Variants in ACAD11 observed in about 807,000 individuals in gnomAD.
ACAD11 encodes acyl-Coenzyme A dehydrogenase family, member 11.
Under a neutral mutation model 102.2 loss-of-function variants are expected in ACAD11, and 83 were observed. The ratio of observed to expected loss-of-function variants is 0.81; its 90% confidence interval spans 0.68 to 0.97. The LOEUF is 0.97. Among genes scored for constraint, ACAD11 ranks in the 50% least tolerant of loss-of-function variants. The pLI is 0.00. For missense variants in ACAD11, 901 were observed against 951.7 expected, an observed-to-expected ratio of 0.95 and a Z score of 0.70; for synonymous variants, 324 against 319.8, an observed-to-expected ratio of 1.01 and a Z score of -0.14.
At chr3:132,600,093 C>T (rs996640286) in intron 13 of ACAD11, among the ~76,000 whole-genome samples, 3 of 152,018 alleles carry the variant, frequency 2.0e-5, no homozygotes, top group Admixed American at 1.3e-4. Context: ...TAAAAGTCTT[C>T]ACTTTTATTT....
rs559297921 is a variant in ACAD11, at chr3:132,632,106, C to T, written c.703-627G>A. On this transcript the variant is annotated intron_variant, in intron 5 of 19. Coordinates refer to ENST00000264990, the MANE Select transcript of ACAD11 (RefSeq NM_032169.5). ...TATGTATTTTTTTTTTTTTTTGAGACGGAGTCTCGCTCTGTCTCCCAGGCT... is the reference window on the plus strand; with the variant it reads ...TATGTATTTTTTTTTTTTTTTGAGATGGAGTCTCGCTCTGTCTCCCAGGCT... 4.7e-4 allele frequency among the ~76,000 whole-genome samples: 69 copies of T among 147,758 alleles called. No individual in the cohort carries two copies. The East Asian group carries it at 7.4e-3, about 16-fold the overall frequency.
At chr3:132,610,245 A>G (rs1351785510) in intron 11 of ACAD11, among the ~76,000 whole-genome samples, 2 of 152,016 alleles carry the variant, frequency 1.3e-5, no homozygotes, top group Admixed American at 1.3e-4. Context: ...AGGGAAATTT[A>G]TAGCACTAAA....
chr3:132,583,045 C>T (rs913819627), intron 13 of ACAD11, among the ~76,000 whole-genome samples: 5 of 152,248 alleles, frequency 3.3e-5, no homozygotes, highest in South Asian at 2.1e-4. Context: ...GCTTTGGTAT[C>T]AGGATGATGC....
intron 18 of ACAD11, among the ~76,000 whole-genome samples, chr3:132,560,760 T>C (rs1937031797): frequency 6.6e-6 from 1 of 152,094 alleles, no homozygotes; most frequent in Non-Finnish European, 1.5e-5. Context: ...ACCCTAGGCC[T>C]TAGGCAGAAA....
At chr3:132,580,812 C>A (rs1937586791) in intron 13 of ACAD11, among the ~76,000 whole-genome samples, 1 of 151,904 alleles carries the variant, frequency 6.6e-6, no homozygotes, top group Admixed American at 6.6e-5. Flanking sequence ...CCTTTCTTTT[C>A]TCTTAAGTGT....
intron 11 of ACAD11, among the ~76,000 whole-genome samples, chr3:132,615,737 A>T (rs546630397): frequency 6.6e-6 from 1 of 152,188 alleles, no homozygotes; most frequent in African/African-American, 2.4e-5. Flanking sequence ...ATGACAGCAA[A>T]CCACCATGGC....
At chr3:132,604,207 A>G (rs1938743595) in intron 12 of ACAD11, among the ~76,000 whole-genome samples, 1 of 152,232 alleles carries the variant, frequency 6.6e-6, no homozygotes, top group South Asian at 2.1e-4. Context: ...GAAAAATTCC[A>G]GAAGTAAACA....
chr3:132,641,441 G>C lies in ACAD11; in HGVS notation c.537+531C>G, dbSNP rs1940493086. Among the ~76,000 whole-genome samples the C allele has an allele frequency of 2.0e-5, 3 of 152,098 alleles. 1 individual carries two copies. The South Asian group carries it at 6.2e-4, about 32-fold the overall frequency. On this transcript the variant is annotated intron_variant, in intron 4 of 19. Transcript: ENST00000264990. ...AGCCTGTAGTCCCAGCTGCTCGGGA[G>C]GCTGAGGTAGGAGAATGGCGTGAAC...
At chr3:132,634,911 G>T (rs914986637) in intron 5 of ACAD11, among the ~76,000 whole-genome samples, 1 of 145,048 alleles carries the variant, frequency 6.9e-6, no homozygotes, top group Admixed American at 6.8e-5. Context: ...GTTGTGGGGT[G>T]GGGGGGTGGG....
Position 132,611,087 on chromosome 3 carries a change from G to A in ACAD11, c.1415-5882C>T, listed in dbSNP as rs555857566. Among the ~76,000 whole-genome samples the A allele has an allele frequency of 1.3e-3, 196 of 152,082 alleles. 2 individuals are homozygous for A. The highest frequency in any genetic ancestry group is 4.3e-3 in the African/African-American group (179 of 41,492). On this transcript the variant is annotated intron_variant, in intron 11 of 19. Transcript: ENST00000264990. ...GTTCAACATACGCAAATCAGTAAACGTAATCCAGCATATAAACAGAACCAA... is the reference window on the plus strand; with the variant it reads ...GTTCAACATACGCAAATCAGTAAACATAATCCAGCATATAAACAGAACCAA...
At chr3:132,648,821 G>C (rs551898086) in intron 1 of ACAD11, 1 of 152,370 alleles carries the variant, frequency 6.6e-6, no homozygotes, top group African/African-American at 2.4e-5. Flanking sequence ...AGATCAGACT[G>C]TTACTGTGTC....
At chr3:132,579,687 T>A in intron 13 of ACAD11, 129 bp from the exon 14 acceptor site, 1 of 667,818 alleles carries the variant, frequency 1.5e-6, no homozygotes, top group Non-Finnish European at 2.5e-6. Context: ...CCTGATTCAT[T>A]AAGATAATAA....
chr3:132,587,540 T>A (rs1937893789), intron 13 of ACAD11, among the ~76,000 whole-genome samples: 1 of 152,238 alleles, frequency 6.6e-6, no homozygotes, highest in African/African-American at 2.4e-5. Context: ...AGCACATTTA[T>A]AATAGCTGCC....
intron 14 of ACAD11, 73 bp from the exon 15 acceptor site, chr3:132,578,954 C>A (rs1048338185): frequency 2.5e-6 from 4 of 1,594,874 alleles, no homozygotes; most frequent in Non-Finnish European, 3.4e-6. Flanking sequence ...AGCAGAATCA[C>A]AATTGTCTTT....
chr3:132,633,087 C>G (rs1215752509), intron 5 of ACAD11, among the ~76,000 whole-genome samples: 1 of 152,124 alleles, frequency 6.6e-6, no homozygotes, highest in Non-Finnish European at 1.5e-5. Flanking sequence ...GCCTGATTGC[C>G]TGGCCAGAAC....
chr3:132,629,677 C>T (rs1939959154), intron 7 of ACAD11, among the ~76,000 whole-genome samples: 2 of 152,100 alleles, frequency 1.3e-5, no homozygotes, highest in East Asian at 3.8e-4. Flanking sequence ...ATAGCATGAA[C>T]TCTGAGGACA....
intron 1 of ACAD11, among the ~76,000 whole-genome samples, chr3:132,657,359 C>A (rs1937864255): frequency 6.6e-6 from 1 of 152,124 alleles, no homozygotes; most frequent in South Asian, 2.1e-4. Flanking sequence ...TAATATCATA[C>A]CATCTTAACT....
intron 11 of ACAD11, chr3:132,618,137 T>A (rs1314473193): frequency 1.3e-5 from 2 of 152,422 alleles, no homozygotes; most frequent in Non-Finnish European, 2.9e-5. Flanking sequence ...TATTTTTGTA[T>A]CCTTGTATGT....
intron 10 of ACAD11, among the ~76,000 whole-genome samples, chr3:132,619,226 T>G (rs1171110639): frequency 6.6e-6 from 1 of 152,220 alleles, no homozygotes; most frequent in African/African-American, 2.4e-5. Flanking sequence ...TAATAATGAA[T>G]AGTTTTAATC....
Sources: allele counts gnomAD v4.1 joint callset (sites outside exome capture counted in the v4.1 genomes callset), GRCh38; gene constraint gnomAD v4.1.1; transcripts MANE v1.5; gene names NCBI Gene and HGNC (gene_info 2026-07-23, HGNC 2026-07-21).